Variants in DAB1 observed in about 807,000 individuals in gnomAD.
DAB1 encodes the protein disabled homolog 1.
A neutral mutation model predicts 64.6 loss-of-function variants in DAB1; 15 were observed. The observed-to-expected ratio is 0.23, with a 90% CI of 0.16 to 0.36. The LOEUF (loss-of-function observed/expected upper bound fraction) is 0.36, where lower values mean the gene tolerates loss of function less well. DAB1 is among the 10% of genes least tolerant of loss of function. The pLI is 1.00. For missense variants in DAB1, 596 were observed against 706.7 expected, an observed-to-expected ratio of 0.84 and a Z score of 1.78; for synonymous variants, 235 against 251.9, an observed-to-expected ratio of 0.93 and a Z score of 0.64.
At chr1:57,612,695 A>G (rs1042628328) in intron 7 of DAB1, among the ~76,000 whole-genome samples, 9 of 152,148 alleles carry the variant, frequency 5.9e-5, no homozygotes, top group African/African-American at 2.2e-4. Flanking sequence ...CTGACTTCTG[A>G]TTTCCAGAAC....
At chr1:57,072,141 A>G in intron 5 of DAB1, 142 bp downstream of exon 5, 1 of 889,230 alleles carries the variant, frequency 1.1e-6, no homozygotes, top group Non-Finnish European at 1.7e-6. Flanking sequence ...TATCTTTTCT[A>G]GATGGGAATG....
At chr1:57,588,913 A>G (rs1017766750) in intron 7 of DAB1, among the ~76,000 whole-genome samples, 3 of 152,216 alleles carry the variant, frequency 2.0e-5, no homozygotes, top group African/African-American at 7.2e-5. Context: ...ACCCCTAAAT[A>G]TAGTCCAGAA....
At chr1:57,210,635 A>AAC (rs939297832) in intron 2 of DAB1, among the ~76,000 whole-genome samples, 3 of 152,160 alleles carry the variant, frequency 2.0e-5, no homozygotes, top group Non-Finnish European at 2.9e-5. Flanking sequence ...AATGTACCTA[A>AAC]ACACACACAC....
intron 7 of DAB1, among the ~76,000 whole-genome samples, chr1:57,465,607 G>T (rs1382005488): frequency 6.6e-6 from 1 of 152,210 alleles, no homozygotes; most frequent in African/African-American, 2.4e-5. Flanking sequence ...CTTTTCAAAA[G>T]ATGACATCAG....
chr1:58,044,884 G>A (rs538246220), intron 5 of DAB1, among the ~76,000 whole-genome samples: 1 of 152,056 alleles, frequency 6.6e-6, no homozygotes, highest in African/African-American at 2.4e-5. Context: ...CTATAAGGCT[G>A]GTATTATTAA....
intron 6 of DAB1, among the ~76,000 whole-genome samples, chr1:57,721,413 CAT>C (rs1647148936): frequency 6.6e-6 from 1 of 152,176 alleles, no homozygotes; most frequent in Non-Finnish European, 1.5e-5. Flanking sequence ...TCACCAAAAA[CAT>C]AGTTTACACT....
At chr1:58,242,820 T>G (rs1170209823) in intron 4 of DAB1, among the ~76,000 whole-genome samples, 1 of 151,586 alleles carries the variant, frequency 6.6e-6, no homozygotes, top group Non-Finnish European at 1.5e-5. Context: ...ACTGTATAAG[T>G]GAAGGTATGG....
chr1:57,850,074 G>C (rs759989969), intron 1 of DAB1, among the ~76,000 whole-genome samples: 7 of 152,142 alleles, frequency 4.6e-5, no homozygotes, highest in Non-Finnish European at 8.8e-5. Flanking sequence ...AAAATGGGAG[G>C]GGAGGAAGTG....
At chr1:57,603,184 G>A (rs1212829716) in intron 7 of DAB1, among the ~76,000 whole-genome samples, 2 of 152,104 alleles carry the variant, frequency 1.3e-5, no homozygotes, top group African/African-American at 4.8e-5. Context: ...TGTTGGTCAG[G>A]CTGGTCGCGA....
chr1:58,029,464 G>A (rs953720779), intron 5 of DAB1, among the ~76,000 whole-genome samples: 7 of 152,264 alleles, frequency 4.6e-5, no homozygotes, highest in African/African-American at 1.7e-4. Flanking sequence ...GACGAACAGG[G>A]GTGTTGTCTC....
chr1:57,303,245 A>C (rs774379642), intron 1 of DAB1, among the ~76,000 whole-genome samples: 1 of 152,200 alleles, frequency 6.6e-6, no homozygotes, highest in East Asian at 1.9e-4. Context: ...AGTGGTAGAC[A>C]GAATGGTGAC....
chr1:57,585,013 G>T (rs369126204), intron 7 of DAB1, among the ~76,000 whole-genome samples: 95 of 152,294 alleles, frequency 6.2e-4, no homozygotes, highest in African/African-American at 2.3e-3. Flanking sequence ...ACACTTGGGA[G>T]GCCAAGGTGG....
chr1:58,499,171 A>G (rs1215938940), intron 3 of DAB1, among the ~76,000 whole-genome samples: 1 of 151,716 alleles, frequency 6.6e-6, no homozygotes, highest in Non-Finnish European at 1.5e-5. Context: ...TATATATGGA[A>G]TCTAAAAAAG....
intron 11 of DAB1, among the ~76,000 whole-genome samples, chr1:57,018,140 A>G (rs1646494697): frequency 6.6e-6 from 1 of 152,210 alleles, no homozygotes; most frequent in African/African-American, 2.4e-5. Flanking sequence ...TTTGATTTTA[A>G]TGCATTTAAT....
rs1162754670 is a variant in DAB1 at position 58,308,653 on chromosome 1, T to C, written n.309+34699A>G. 2.0e-5 allele frequency among the ~76,000 whole-genome samples: 3 copies of C among 152,184 alleles called. No individual in the cohort carries two copies. The South Asian group carries it at 6.2e-4, about 32-fold the overall frequency. ...TTCTCTCATTTAGATAACCAGGCTT[T>C]AGTTTGCTATACTTAGTCCTCAAAT... On this transcript the variant is annotated intron_variant and non_coding_transcript_variant, in intron 4 of 20. Coordinates refer to the DAB1 transcript ENST00000485760.
intron 6 of DAB1, among the ~76,000 whole-genome samples, chr1:57,699,905 C>A: frequency 6.6e-6 from 1 of 151,936 alleles, no homozygotes. Flanking sequence ...GAGTGAGAGT[C>A]CATCTCAAAG....
chr1:57,004,820 A>G (rs1235888196), intron 14 of DAB1, among the ~76,000 whole-genome samples: 1 of 152,098 alleles, frequency 6.6e-6, no homozygotes, highest in Non-Finnish European at 1.5e-5. Flanking sequence ...AATCCTCCTA[A>G]CTTCCGATAT....
chr1:58,206,410 A>AT (rs1310429138), intron 4 of DAB1, among the ~76,000 whole-genome samples: 94 of 152,072 alleles, frequency 6.2e-4, no homozygotes, highest in Admixed American at 5.8e-3. Flanking sequence ...CTCAGTTGCT[A>AT]TTTTTTTTAA....
At chr1:58,013,554 TC>T (rs555411758) in intron 5 of DAB1, among the ~76,000 whole-genome samples, 8 of 152,342 alleles carry the variant, frequency 5.3e-5, no homozygotes, top group Non-Finnish European at 7.3e-5. Context: ...ACACGAGTGG[TC>T]ATCCCTAGCA....
Sources: allele counts gnomAD v4.1 joint callset (sites outside exome capture counted in the v4.1 genomes callset), GRCh38; gene constraint gnomAD v4.1.1; transcripts MANE v1.5; gene names NCBI Gene and HGNC (gene_info 2026-07-23, HGNC 2026-07-21).